SATL1: variants seen among roughly 807,000 people sequenced by gnomAD.
SATL1 encodes spermidine/spermine N(1)-acetyltransferase-like protein 1.
In SATL1, 47 loss-of-function variants were observed where a neutral mutation model predicts 51.8. The ratio of observed to expected loss-of-function variants is 0.91; its 90% CI spans 0.72 to 1.16. SATL1 has a LOEUF of 1.16. Among genes scored for constraint, SATL1 ranks in the 50% most tolerant of loss-of-function variants. SATL1 has a pLI of 0.00. For missense variants in SATL1, 520 were observed against 526.4 expected, an observed-to-expected ratio of 0.99 and a Z score of 0.12; for synonymous variants, 176 against 182.4, an observed-to-expected ratio of 0.97 and a Z score of 0.28.
rs112863568 is a variant in SATL1, at chrX:85,199,386, T to G, written c.-313+24819A>C. Among the ~76,000 whole-genome samples, 762 of 111,531 alleles carry G rather than the reference T, an allele frequency of 6.8e-3. 3 individuals carry two copies. Among genetic ancestry groups the G allele is most frequent in the Non-Finnish European group, 9.9e-3 (524 of 53,123 alleles). On this transcript the variant is annotated intron_variant, in intron 2 of 7. Transcript: ENST00000644105. ...ACGCTTTGGAAGCTCCTCAAAAGAC[T>G]GAAAGTAGAGCTACCATATGATCCA...
intron 4 of SATL1, among the ~76,000 whole-genome samples, chrX:85,100,549 T>C (rs1456388099): frequency 2.7e-5 from 3 of 111,587 alleles, no homozygotes; most frequent in African/African-American, 9.8e-5. Flanking sequence ...CTGGAAAATA[T>C]CCAAAGAAAT....
At chrX:85,124,755 A>T (rs1425509085) in intron 2 of SATL1, among the ~76,000 whole-genome samples, 1 of 111,042 alleles carries the variant, frequency 9.0e-6, no homozygotes, top group African/African-American at 3.3e-5. Flanking sequence ...AAAACAAGTT[A>T]TATGAAGCAG....
chrX:85,176,574 G>A (rs1453769158), intron 2 of SATL1, among the ~76,000 whole-genome samples: 1 of 111,689 alleles, frequency 9.0e-6, no homozygotes. Flanking sequence ...AGCTCTCCAA[G>A]ATATGCTAAG....
At chrX:85,144,725 C>T (rs1926188730) in intron 2 of SATL1, among the ~76,000 whole-genome samples, 1 of 111,578 alleles carries the variant, frequency 9.0e-6, no homozygotes, top group Admixed American at 9.6e-5. Context: ...ATTATCAAAA[C>T]ATCATTAAGA....
intron 2 of SATL1, among the ~76,000 whole-genome samples, chrX:85,146,692 G>A (rs777814070): frequency 2.7e-5 from 3 of 112,063 alleles, no homozygotes; most frequent in Non-Finnish European, 3.8e-5. Flanking sequence ...GTTCGATGGG[G>A]TAACCTGACA....
At chrX:85,158,249 G>A (rs760766180) in intron 2 of SATL1, among the ~76,000 whole-genome samples, 22 of 111,037 alleles carry the variant, frequency 2.0e-4, no homozygotes, top group Non-Finnish European at 1.9e-5. Flanking sequence ...AACTGATTTA[G>A]CAATTAGATT....
intron 2 of SATL1, among the ~76,000 whole-genome samples, chrX:85,144,121 A>G (rs1458765721): frequency 9.0e-6 from 1 of 111,693 alleles, no homozygotes; most frequent in African/African-American, 3.3e-5. Flanking sequence ...TGACATAGTA[A>G]TTCTGGTGGG....
At position 85,107,641 on chromosome X, in the gene SATL1, T is replaced by A; in HGVS notation, c.1328A>T (p.Gln443Leu). The change falls in exon 3 of 8, where the codon CAA becomes CTA. Residue 443 changes from glutamine to leucine, a missense_variant. Transcript: ENST00000644105. ...PPGMWQRGMWQPGMSQQVPSQ... is the reference protein window; with the variant it reads ...PPGMWQRGMWLPGMSQQVPSQ... The stretch of plus-strand genomic sequence containing the variant: ...GGGGACTTGCTGGCTCATGCCTGGT[T>A]GCCACATGCCTCGTTGCCACATGCC... 8.2e-7 allele frequency: 1 copy of A among 1,212,203 alleles called. No individual in the cohort carries two copies. Among genetic ancestry groups the A allele is most frequent in the Non-Finnish European group, 1.1e-6 (1 of 895,665 alleles).
intron 2 of SATL1, among the ~76,000 whole-genome samples, chrX:85,174,060 G>T (rs1341383426): frequency 9.1e-6 from 1 of 109,328 alleles, no homozygotes; most frequent in Non-Finnish European, 1.9e-5. Flanking sequence ...TGCTCAGAAT[G>T]ATGGTTTCCA....
In SATL1 at chrX:85,224,517, C is replaced by G. The variant is rs181806970; in HGVS notation, c.-434-191G>C. Among the ~76,000 whole-genome samples, 26 of 110,794 alleles carry G rather than the reference C, an allele frequency of 2.3e-4. No homozygotes were observed. In the East Asian group the frequency reaches 7.4e-3, roughly 31 times the overall value. Reference sequence around the variant, plus strand: ...TCTGAGACATTGACATTTTAGCAGGCACTATTAATTTCATCACAAATATCC... The same window carrying G: ...TCTGAGACATTGACATTTTAGCAGGGACTATTAATTTCATCACAAATATCC... On this transcript the variant is annotated intron_variant, in intron 1 of 7. Transcript: ENST00000644105.
chrX:85,222,778 T>C (rs922026276), intron 2 of SATL1, among the ~76,000 whole-genome samples: 2 of 111,641 alleles, frequency 1.8e-5, no homozygotes, highest in African/African-American at 6.5e-5. Context: ...TTCTTACAAG[T>C]AGAGGAGAGT....
intron 2 of SATL1, among the ~76,000 whole-genome samples, chrX:85,192,481 C>A (rs1415042049): frequency 9.0e-6 from 1 of 110,803 alleles, no homozygotes; most frequent in Non-Finnish European, 1.9e-5. Flanking sequence ...TCACACTTTC[C>A]ACATTTTACA....
chrX:85,153,879 A>C (rs1872848454), intron 2 of SATL1: 1 of 111,483 alleles, frequency 9.0e-6, no homozygotes, highest in Admixed American at 9.6e-5. Flanking sequence ...TACTGCTGTA[A>C]AAAGAAGTCA....
intron 2 of SATL1, among the ~76,000 whole-genome samples, chrX:85,205,473 G>A (rs760995776): frequency 8.9e-6 from 1 of 111,792 alleles, no homozygotes; most frequent in Non-Finnish European, 1.9e-5. Flanking sequence ...TAGTGACTTG[G>A]GAGTGGATAA....
intron 2 of SATL1, among the ~76,000 whole-genome samples, chrX:85,205,377 G>A (rs748472665): frequency 2.7e-5 from 3 of 111,813 alleles, no homozygotes; most frequent in South Asian, 7.4e-4. Context: ...AGGGAGAGAA[G>A]GAAGACAATA....
At chrX:85,098,952 G>A (rs917283424) in intron 4 of SATL1, among the ~76,000 whole-genome samples, 1 of 111,151 alleles carries the variant, frequency 9.0e-6, no homozygotes, top group Admixed American at 9.6e-5. Context: ...ATAAAAATTG[G>A]ATAGAGATAA....
intron 1 of SATL1, among the ~76,000 whole-genome samples, chrX:85,231,637 A>G (rs1928383350): frequency 8.9e-6 from 1 of 112,045 alleles, no homozygotes; most frequent in Admixed American, 9.4e-5. Context: ...TGGGGGAGGC[A>G]GAGTGCAAGG....
intron 2 of SATL1, among the ~76,000 whole-genome samples, chrX:85,203,450 C>T (rs1927727317): frequency 2.7e-5 from 3 of 111,498 alleles, no homozygotes; most frequent in South Asian, 7.6e-4. Context: ...ACTTTGAAGG[C>T]CAAAGGCTGG....
Position 85,094,167 on chromosome X carries a change from G to A in SATL1, c.1837C>T (p.Leu613Phe). 1 of 1,198,122 alleles carries A rather than the reference G, an allele frequency of 8.3e-7. No individual in the cohort carries two copies. Among genetic ancestry groups the A allele is most frequent in the South Asian group, 1.8e-5 (1 of 56,379 alleles). The change falls in exon 6 of 8, where the codon CTT becomes TTT. Residue 613 changes from leucine (L) to phenylalanine (F), a missense_variant. Transcript: ENST00000644105. The stretch of plus-strand genomic sequence containing the variant: ...GTGACATAAAAGTCCTCTAGGTAAA[G>A]TACCTTGCCAGTCCATGAGTCGTAT... ...FTYDSWTGKV[L>F]YLEDFYVTQA...
Sources: gnomAD v4.1 joint callset for allele counts (sites outside exome capture counted in the v4.1 genomes callset) on GRCh38, gnomAD v4.1.1 for gene constraint, MANE v1.5 for transcripts, NCBI Gene and HGNC (gene_info 2026-07-23, HGNC 2026-07-21) for gene names.